GBP1: variants seen among roughly 807,000 people sequenced by gnomAD.
GBP1 encodes the protein guanylate binding protein 1, also known as guanylate-binding protein 1.
A neutral mutation model predicts 69.5 loss-of-function variants in GBP1; 64 were observed. The ratio of observed to expected loss-of-function variants is 0.92; its 90% CI spans 0.75 to 1.13. The LOEUF is 1.13. Among genes scored for constraint, GBP1 ranks in the 50% most tolerant of loss-of-function variants. The pLI, the probability that GBP1 is intolerant of heterozygous loss-of-function variation, is 0.00. For missense variants in GBP1, 630 were observed against 704.1 expected, an observed-to-expected ratio of 0.89 and a Z score of 1.19; for synonymous variants, 250 against 261.2, an observed-to-expected ratio of 0.96 and a Z score of 0.41.
rs1679968959 is a variant in GBP1, at chr1:89,053,465, G to A, written c.1669C>T (p.Gln557Ter). The change falls in exon 11 of 11, where the codon CAG (glutamine) becomes TAG (stop). Residue 557 changes from glutamine to a stop codon, truncating the protein, a stop_gained. Transcript: ENST00000370473. LOFTEE classifies it high-confidence loss of function. ...AATCCCTCTTTTAGTAGTTGCTCCT[G>A]TTCCTAAAAAGGGACAAACGAAGGC... ...ERTLALKLQE[Q>*]EQLLKEGFQK... is the part of the protein sequence containing the mutation. 6.2e-7 allele frequency: 1 copy of A among 1,612,888 alleles called. No homozygotes were observed. The highest frequency in any genetic ancestry group is 8.5e-7 in the Non-Finnish European group (1 of 1,179,712).
chr1:89,063,238 C>T lies in GBP1; in HGVS notation c.-4G>A, dbSNP rs1343458866. The T allele has an allele frequency of 6.2e-7, 1 of 1,613,408 alleles. No homozygotes were observed. Among genetic ancestry groups the T allele is most frequent in the Non-Finnish European group, 8.5e-7 (1 of 1,179,554 alleles). ...TCATGTGGATCTCTGATGCCATGTC[C>T]AGGCTGTTCCCTTGTCTGCAAGAGA... On this transcript the variant is annotated 5_prime_UTR_variant, in exon 2 of 11. Coordinates refer to ENST00000370473, the MANE Select transcript of GBP1 (RefSeq NM_002053.3).
In GBP1 at chr1:89,057,110, T is replaced by C. The variant is rs144332469; in HGVS notation, c.899A>G (p.Tyr300Cys). ...ATCCCCACTGCTGATGGCATTGACGTAGGTCAGCACCAGGCTCTCTAGACC... is the reference window on the plus strand; with the variant it reads ...ATCCCCACTGCTGATGGCATTGACGCAGGTCAGCACCAGGCTCTCTAGACC... Reference protein sequence around the residue: ...GPRLESLVLTYVNAISSGDLP... With the variant: ...GPRLESLVLTCVNAISSGDLP... Residue 300 changes from tyrosine (Y) to cysteine (C), a missense_variant, in exon 7 of 11, where the codon TAC becomes TGC. Physicochemically the swap from Tyr to Cys is radical, Grantham distance 194 (BLOSUM62 -2). Coordinates refer to ENST00000370473, the MANE Select transcript of GBP1 (RefSeq NM_002053.3). 3.4e-5 allele frequency: 55 copies of C among 1,614,270 alleles called. No homozygotes were observed. The African/African-American group carries it at 6.7e-4, about 20-fold the overall frequency.
rs1326304837 is a variant in GBP1, at chr1:89,059,423, C to T, written c.322G>A (p.Asp108Asn). ...TEGLGDVEKG[D>N]NQNDSWIFAL... Reference sequence around the variant, plus strand: ...AAGATCCAGGAGTCATTCTGGTTGTCACCCTGGAAGTCAAGACACACTGGA... The same window carrying T: ...AAGATCCAGGAGTCATTCTGGTTGTTACCCTGGAAGTCAAGACACACTGGA... Residue 108 changes from aspartate to asparagine, a missense_variant, in exon 4 of 11, where the codon GAC becomes AAC. Physicochemically the swap from Asp to Asn is conservative, Grantham distance 23. Transcript: ENST00000370473. 5 of 1,613,970 alleles carry T rather than the reference C, an allele frequency of 3.1e-6. No individual in the cohort carries two copies. The highest frequency in any genetic ancestry group is 1.7e-5 in the Admixed American group (1 of 60,022).
At chr1:89,059,129 C>G (rs1218216223) in intron 4 of GBP1, 86 bp from the exon 5 acceptor site, 1 of 1,594,200 alleles carries the variant, frequency 6.3e-7, no homozygotes, top group South Asian at 1.1e-5. Context: ...CTTCCATTTT[C>G]CTTTGCTCCT....
chr1:89,054,319 C>G (rs1321277015), intron 10 of GBP1, among the ~76,000 whole-genome samples: 1 of 152,110 alleles, frequency 6.6e-6, no homozygotes, highest in Non-Finnish European at 1.5e-5. Context: ...CCAGGATGGC[C>G]TCAATCTCCT....
At chr1:89,054,079 T>C (rs1442303932) in intron 10 of GBP1, among the ~76,000 whole-genome samples, 1 of 152,246 alleles carries the variant, frequency 6.6e-6, no homozygotes, top group Non-Finnish European at 1.5e-5. Flanking sequence ...GATATAGTTC[T>C]TGCTACATAT....
Position 89,055,109 on chromosome 1 carries a change from T to G in GBP1, c.1471+4A>C. The G allele has an allele frequency of 6.2e-7, 1 of 1,607,858 alleles. No individual in the cohort carries two copies. The highest frequency in any genetic ancestry group is 8.5e-7 in the Non-Finnish European group (1 of 1,177,744). ...GCCATCTAATCTCTTAACTCACTCC[T>G]CACCTTCAATCTCCTTTTCTTTTTC... On this transcript the variant is annotated splice_donor_region_variant and intron_variant, in intron 9 of 10. Coordinates refer to ENST00000370473, the MANE Select transcript of GBP1 (RefSeq NM_002053.3).
intron 3 of GBP1, 106 bp from the exon 4 acceptor site, chr1:89,059,532 TTTTC>T (rs1680131827): frequency 2.8e-6 from 3 of 1,060,748 alleles, no homozygotes; most frequent in Middle Eastern, 3.0e-4. Context: ...TTTTTTTTTC[TTTTC>T]TTTTTTTTTT....
intron 8 of GBP1, chr1:89,055,634 G>C (rs1446617028): frequency 8.3e-6 from 3 of 359,978 alleles, no homozygotes; most frequent in Non-Finnish European, 1.5e-5. Flanking sequence ...GCCAGTTCAT[G>C]ATGTTACTTG....
intron 2 of GBP1, 117 bp downstream of exon 2, chr1:89,062,928 G>T: frequency 1.6e-6 from 2 of 1,268,454 alleles, no homozygotes; most frequent in Admixed American, 4.1e-5. Context: ...GACTGTGAAT[G>T]GAAAGTTAGC....
In GBP1 at chr1:89,057,138, C is replaced by A. The variant is rs777921995; in HGVS notation, c.875-4G>T. The A allele has an allele frequency of 6.2e-7, 1 of 1,613,864 alleles. No individual in the cohort carries two copies. The highest frequency in any genetic ancestry group is 8.5e-7 in the Non-Finnish European group (1 of 1,179,748). Reference sequence around the variant, plus strand: ...GTCAGCACCAGGCTCTCTAGACCTGCATATGAAGAACAAATGATAATGTTT... The same window carrying A: ...GTCAGCACCAGGCTCTCTAGACCTGAATATGAAGAACAAATGATAATGTTT... On this transcript the variant is annotated splice_region_variant and splice_polypyrimidine_tract_variant and intron_variant, in intron 6 of 10. Coordinates refer to ENST00000370473, the MANE Select transcript of GBP1 (RefSeq NM_002053.3).
At chr1:89,061,505 C>G (rs1240293995) in intron 2 of GBP1, among the ~76,000 whole-genome samples, 1 of 151,944 alleles carries the variant, frequency 6.6e-6, no homozygotes, top group Non-Finnish European at 1.5e-5. Context: ...CAAATATGAA[C>G]TCAAAATGGA....
chr1:89,061,398 C>T (rs1438247123), intron 2 of GBP1, among the ~76,000 whole-genome samples: 1 of 152,008 alleles, frequency 6.6e-6, no homozygotes, highest in African/African-American at 2.4e-5. Flanking sequence ...GTATGGGTGT[C>T]AAGATCATTT....
At position 89,062,899 on chromosome 1, in the gene GBP1, G is replaced by C. The variant is rs1570283905; in HGVS notation, c.190+146C>G. 3.3e-6 allele frequency: 3 copies of C among 917,924 alleles called. No individual in the cohort carries two copies. In the East Asian group the frequency reaches 7.8e-5, roughly 24 times the overall value. The allele number at this position is 917,924 out of a possible 1,614,324, so 56.9% of individuals were successfully genotyped here. A position where few individuals can be genotyped will look rare whatever the true frequency, so the allele number is the denominator to read the frequency against. On this transcript the variant is annotated intron_variant, in intron 2 of 10. Transcript: ENST00000370473. ...GAATTGATTCTTATCCCCTAGAACA[G>C]CGTGAAGATAAGGAGCCCGACTGTG...
chr1:89,053,544 A>C lies in GBP1; in HGVS notation c.1666-76T>G, dbSNP rs1244249579. Reference sequence around the variant, plus strand: ...AAACATTCTATCTGGTTTCCACATTAAATGATTTGTTATTTAATTTTCTCT... The same window carrying C: ...AAACATTCTATCTGGTTTCCACATTCAATGATTTGTTATTTAATTTTCTCT... On this transcript the variant is annotated intron_variant, in intron 10 of 10. Coordinates refer to ENST00000370473, the MANE Select transcript of GBP1 (RefSeq NM_002053.3). 15 of 1,546,908 alleles carry C rather than the reference A, an allele frequency of 9.7e-6. No homozygotes were observed. The South Asian group carries it at 1.2e-4, about 13-fold the overall frequency.
intron 4 of GBP1, 21 bp downstream of exon 4, chr1:89,059,296 T>G (rs1214617394): frequency 6.2e-7 from 1 of 1,613,948 alleles, no homozygotes; most frequent in African/African-American, 1.3e-5. Context: ...CTTGGTGCTG[T>G]TCTGGGTCAC....
Position 89,053,340 on chromosome 1 carries a change from G to A in GBP1, c.*15C>T, listed in dbSNP as rs763070257. On this transcript the variant is annotated 3_prime_UTR_variant, in exon 11 of 11. Coordinates refer to ENST00000370473, the MANE Select transcript of GBP1 (RefSeq NM_002053.3). ...AATTATGCCTTGGTTAGGGGTGACA[G>A]GAAGGCTCTGGTCTTTAGCTTATGG... is the stretch of plus-strand genomic sequence containing the variant. 6.3e-7 allele frequency: 1 copy of A among 1,599,558 alleles called. No homozygotes were observed. Among genetic ancestry groups the A allele is most frequent in the South Asian group, 1.1e-5 (1 of 89,096 alleles).
intron 9 of GBP1, 64 bp downstream of exon 9, chr1:89,055,049 C>G (rs557859739): frequency 2.1e-4 from 321 of 1,518,154 alleles, no homozygotes; most frequent in Non-Finnish European, 2.6e-4. Flanking sequence ...CCATGTTTAT[C>G]CAGTCAAGTT....
intron 2 of GBP1, among the ~76,000 whole-genome samples, chr1:89,062,178 A>G (rs568862160): frequency 5.9e-5 from 9 of 152,344 alleles, no homozygotes; most frequent in African/African-American, 2.2e-4. Flanking sequence ...TCCCAAAAGA[A>G]GTGAAAGCAG....
Sources: gnomAD v4.1 joint callset for allele counts (sites outside exome capture counted in the v4.1 genomes callset) on GRCh38, gnomAD v4.1.1 for gene constraint, MANE v1.5 for transcripts, NCBI Gene and HGNC (gene_info 2026-07-23, HGNC 2026-07-21) for gene names.